Variants in TGFB3 observed in about 807,000 individuals in gnomAD.
TGFB3 encodes the protein transforming growth factor beta-3 proprotein.
TGFB3 carries 5 observed loss-of-function variants against 40.1 expected under a neutral mutation model. The ratio of observed to expected loss-of-function variants is 0.12; its 90% CI spans 0.07 to 0.26. The LOEUF (loss-of-function observed/expected upper bound fraction) is 0.26, where lower values mean the gene tolerates loss of function less well. Among genes scored for constraint, TGFB3 ranks in the 10% least tolerant of loss-of-function variants. The pLI is 1.00. For synonymous variants in TGFB3, 184 were observed against 205.6 expected (o/e 0.89, Z 0.90); for missense variants, 373 against 530.1 (o/e 0.70, Z 2.91).
At chr14:75,975,291 C>T (rs2035340536) in intron 1 of TGFB3, among the ~76,000 whole-genome samples, 1 of 152,050 alleles carries the variant, frequency 6.6e-6, no homozygotes. Context: ...TCACTTGAAC[C>T]CAGAAGGCAG....
chr14:75,960,889 C>T, intron 6 of TGFB3, 34 bp downstream of exon 6: 3 of 1,613,934 alleles, frequency 1.9e-6, no homozygotes, highest in Non-Finnish European at 2.5e-6. Flanking sequence ...TCGGTCAGCC[C>T]CAGTGCCTCA....
At chr14:75,962,229 A>C (rs1156352171) in intron 5 of TGFB3, among the ~76,000 whole-genome samples, 1 of 152,198 alleles carries the variant, frequency 6.6e-6, no homozygotes, top group Non-Finnish European at 1.5e-5. Flanking sequence ...ACTATGATTA[A>C]AGTCACTGGC....
intron 5 of TGFB3, 27 bp downstream of exon 5, chr14:75,963,289 T>G: frequency 6.2e-7 from 1 of 1,613,862 alleles, no homozygotes; most frequent in African/African-American, 1.3e-5. Flanking sequence ...GCAGTAGATG[T>G]TGGTTCCCAT....
chr14:75,961,386 A>G (rs2035154746), intron 5 of TGFB3, among the ~76,000 whole-genome samples: 1 of 152,220 alleles, frequency 6.6e-6, no homozygotes, highest in Admixed American at 6.5e-5. Flanking sequence ...ACATAAAACC[A>G]AGCACTGAAT....
At position 75,960,938 on chromosome 14, in the gene TGFB3, G is replaced by A. The variant is rs2035148398; in HGVS notation, c.1065C>T (p.Asp355=). ...TGCTCCATACCGTGCTGTGGGTTGT[G>A]TCTGCACTGCGGAGGTATGGGCAAG... ...SGPCPYLRSA[D]TTHSTVLGLY... Residue 355 remains aspartate (D), a synonymous_variant, in exon 6 of 7, where the codon GAC becomes GAT. Coordinates refer to ENST00000238682, the MANE Select transcript of TGFB3 (RefSeq NM_003239.5). 1 of 1,614,206 alleles carries A rather than the reference G, an allele frequency of 6.2e-7. No individual in the cohort carries two copies. The highest frequency in any genetic ancestry group is 1.3e-5 in the African/African-American group (1 of 75,052).
At chr14:75,975,779 T>C (rs1445196484) in intron 1 of TGFB3, among the ~76,000 whole-genome samples, 2 of 152,184 alleles carry the variant, frequency 1.3e-5, no homozygotes, top group African/African-American at 4.8e-5. Context: ...CTGGTGAAGA[T>C]GGTTTCATCA....
At position 75,965,703 on chromosome 14, in the gene TGFB3, A is replaced by T; in HGVS notation, c.647-8T>A. 6.2e-7 allele frequency: 1 copy of T among 1,609,026 alleles called. No individual in the cohort carries two copies. The highest frequency in any genetic ancestry group is 8.5e-7 in the Non-Finnish European group (1 of 1,175,324). ...CTAGACCTAAGTTGGACTCTGCAAA[A>T]TAAGACAGAATTAGTGAGAAAAGCA... On this transcript the variant is annotated splice_region_variant and splice_polypyrimidine_tract_variant and intron_variant, in intron 3 of 6. Coordinates refer to ENST00000238682, the MANE Select transcript of TGFB3 (RefSeq NM_003239.5).
chr14:75,960,881 G>A (rs757163957), intron 6 of TGFB3, 42 bp downstream of exon 6: 12 of 1,613,204 alleles, frequency 7.4e-6, no homozygotes, highest in Admixed American at 1.7e-5. Context: ...TGGTCTGGTC[G>A]GTCAGCCCCA....
chr14:75,968,975 T>C lies in TGFB3; in HGVS notation c.646+2151A>G, dbSNP rs978120113. Among the ~76,000 whole-genome samples the C allele has an allele frequency of 2.6e-5, 4 of 152,114 alleles. No homozygotes were observed. In the East Asian group the frequency reaches 7.7e-4, roughly 29 times the overall value. On this transcript the variant is annotated intron_variant, in intron 3 of 6. Transcript: ENST00000238682. Reference sequence around the variant, plus strand: ...GGGAACAATAGGGAATGGTGGGGGCTGCGGGGACTGAGGATGCATACCCCA... The same window carrying C: ...GGGAACAATAGGGAATGGTGGGGGCCGCGGGGACTGAGGATGCATACCCCA...
chr14:75,974,779 A>AAAAAG (rs571276425), intron 1 of TGFB3, among the ~76,000 whole-genome samples: 24 of 148,414 alleles, frequency 1.6e-4, no homozygotes, highest in South Asian at 6.5e-4. Context: ...AAAAAAAAAA[A>AAAAAG]AAGAAGAAGA....
chr14:75,958,716 A>G lies in TGFB3; in HGVS notation c.*471T>C, dbSNP rs1466735736. The G allele has an allele frequency of 4.9e-6, 1 of 203,518 alleles. No homozygotes were observed. Among genetic ancestry groups the G allele is most frequent in the Non-Finnish European group, 1.0e-5 (1 of 99,398 alleles). 12.6% of individuals were successfully genotyped at this position (203,518 alleles called of 1,614,324 possible). On this transcript the variant is annotated 3_prime_UTR_variant, in exon 7 of 7. Coordinates refer to ENST00000238682, the MANE Select transcript of TGFB3 (RefSeq NM_003239.5). ...CGTAACCTGTCTTTAAAAAAAAAAA[A>G]AAAATGCTTGCCTTGTATAACATAA...
rs1313138958 is a variant in TGFB3 at position 75,979,943 on chromosome 14, G to T, written c.352+599C>A. Reference sequence around the variant, plus strand: ...TCTTCCTTCCACACACACAGCTCACGTGGGTCTCGTGGGTCACGTGGGTGG... The same window carrying T: ...TCTTCCTTCCACACACACAGCTCACTTGGGTCTCGTGGGTCACGTGGGTGG... On this transcript the variant is annotated intron_variant, in intron 1 of 6. Transcript: ENST00000238682. The surrounding 1 kb of genome is among the most constrained non-coding windows in gnomAD (Gnocchi z 4.8). Among the ~76,000 whole-genome samples, 2 of 152,178 alleles carry T rather than the reference G, an allele frequency of 1.3e-5. No homozygotes were observed. The highest frequency in any genetic ancestry group is 4.8e-5 in the African/African-American group (2 of 41,438).
intron 6 of TGFB3, 147 bp from the exon 7 acceptor site, chr14:75,959,492 G>A (rs905631027): frequency 4.1e-5 from 37 of 902,942 alleles, no homozygotes; most frequent in South Asian, 3.5e-4. Context: ...GTTGGGGGCC[G>A]GGTGCAGTGG....
chr14:75,965,483 A>C (rs779916493), intron 4 of TGFB3, 105 bp downstream of exon 4: 39 of 933,064 alleles, frequency 4.2e-5, no homozygotes, highest in Non-Finnish European at 6.4e-5. Context: ...TCTCTGAAGG[A>C]GCTTGGTTTC....
intron 1 of TGFB3, among the ~76,000 whole-genome samples, chr14:75,974,989 G>A (rs1359817614): frequency 1.3e-5 from 2 of 152,110 alleles, no homozygotes; most frequent in Admixed American, 6.5e-5. Flanking sequence ...TACTCGGGAG[G>A]CTGAGGCGGG....
chr14:75,959,379 G>A, intron 6 of TGFB3, 34 bp from the exon 7 acceptor site: 1 of 1,613,014 alleles, frequency 6.2e-7, no homozygotes. Flanking sequence ...AGGTTGGAAG[G>A]CCAAGTCTCA....
At chr14:75,963,223 C>G in intron 5 of TGFB3, 93 bp downstream of exon 5, 1 of 1,410,170 alleles carries the variant, frequency 7.1e-7, no homozygotes. Context: ...ATCAGGGACC[C>G]TCTGTTGAGT....
chr14:75,968,223 C>G (rs998996492), intron 3 of TGFB3, among the ~76,000 whole-genome samples: 2 of 152,246 alleles, frequency 1.3e-5, no homozygotes, highest in African/African-American at 4.8e-5. Context: ...ACACCGCCAA[C>G]TGCTCCAATT....
chr14:75,964,456 C>T (rs1157485366), intron 4 of TGFB3, among the ~76,000 whole-genome samples: 1 of 151,990 alleles, frequency 6.6e-6, no homozygotes, highest in Non-Finnish European at 1.5e-5. Context: ...TTCATCAACC[C>T]GTTTCATCTG....
Sources: allele counts gnomAD v4.1 joint callset (sites outside exome capture counted in the v4.1 genomes callset), GRCh38; gene constraint gnomAD v4.1.1; non-coding constraint Gnocchi (gnomAD v3.1); transcripts MANE v1.5; gene names NCBI Gene and HGNC (gene_info 2026-07-23, HGNC 2026-07-21).